The following PHLPP1 variants were observed in gnomAD, a reference collection of about 807,000 sequenced individuals.
PHLPP1 encodes PH domain leucine-rich repeat-containing protein phosphatase 1.
Under a neutral mutation model 117.2 loss-of-function variants are expected in PHLPP1, and 42 were observed. The ratio of observed to expected loss-of-function variants is 0.36; its 90% confidence interval spans 0.28 to 0.46. PHLPP1 has a LOEUF of 0.46. Ranked by LOEUF, PHLPP1 falls within the 20% of genes least tolerant of loss-of-function variation. PHLPP1 has a pLI of 1.00. For synonymous variants in PHLPP1, 1,042 were observed against 970.7 expected, an observed-to-expected ratio of 1.07 and a Z score of -1.37; for missense variants, 2,084 against 2,241.9, an observed-to-expected ratio of 0.93 and a Z score of 1.42.
intron 8 of PHLPP1, among the ~76,000 whole-genome samples, chr18:62,912,956 C>G (rs1168411839): frequency 6.6e-6 from 1 of 152,188 alleles, no homozygotes; most frequent in African/African-American, 2.4e-5. Flanking sequence ...TAGAGTTAAA[C>G]TACTTTTTAA....
At chr18:62,839,180 C>T (rs1167268881) in intron 3 of PHLPP1, 1 of 323,658 alleles carries the variant, frequency 3.1e-6, no homozygotes, top group Non-Finnish European at 5.7e-6. Context: ...AGATAAAAAA[C>T]ATGAGATTGG....
chr18:62,940,356 T>TTC (rs1910095388), intron 10 of PHLPP1, among the ~76,000 whole-genome samples: 1 of 51,790 alleles, frequency 1.9e-5, no homozygotes, highest in African/African-American at 8.1e-5. Flanking sequence ...TTTCTTTTCT[T>TTC]TTTTTTTTTT....
intron 1 of PHLPP1, among the ~76,000 whole-genome samples, chr18:62,804,720 TA>T (rs1045384894): frequency 2.6e-5 from 4 of 151,678 alleles, no homozygotes; most frequent in African/African-American, 9.7e-5. Flanking sequence ...CTCTTTTTTT[TA>T]AGAACACGGT....
In PHLPP1 at chr18:62,979,494, G is replaced by A. The variant is rs891264333; in HGVS notation, c.*63G>A. 7.3e-6 allele frequency: 11 copies of A among 1,506,722 alleles called. No individual in the cohort carries two copies. The Admixed American group carries it at 1.3e-4, about 17-fold the overall frequency. The allele number at this position is 1,506,722 out of a possible 1,614,324, so 93.3% of individuals were successfully genotyped here. ...AGACTGAGTTGCAAGAGTCTCCCAG[G>A]CTCACATTAAACCAGGGGTTTTACT... On this transcript the variant is annotated 3_prime_UTR_variant, in exon 17 of 17. Transcript: ENST00000262719.
intron 12 of PHLPP1, among the ~76,000 whole-genome samples, chr18:62,947,370 G>C (rs1910327542): frequency 6.6e-6 from 1 of 152,196 alleles, no homozygotes; most frequent in African/African-American, 2.4e-5. Context: ...ATGTGATGTT[G>C]ATTATATAGA....
At chr18:62,950,977 A>T (rs1330274022) in intron 12 of PHLPP1, among the ~76,000 whole-genome samples, 2 of 150,990 alleles carry the variant, frequency 1.3e-5, no homozygotes, top group Non-Finnish European at 3.0e-5. Context: ...GTTAACCCAG[A>T]CTAGTTTTTT....
At chr18:62,827,537 A>C (rs1319927490) in intron 1 of PHLPP1, among the ~76,000 whole-genome samples, 2 of 152,204 alleles carry the variant, frequency 1.3e-5, no homozygotes, top group Non-Finnish European at 2.9e-5. Context: ...CCCAGGGCCC[A>C]CTTAGTACAC....
chr18:62,738,547 T>C (rs1911433829), intron 1 of PHLPP1, among the ~76,000 whole-genome samples: 1 of 152,186 alleles, frequency 6.6e-6, no homozygotes. Context: ...GGGACTTGAG[T>C]GTCCATTGAT....
intron 4 of PHLPP1, chr18:62,889,641 T>G (rs1424154572): frequency 6.6e-6 from 1 of 152,232 alleles, no homozygotes; most frequent in Admixed American, 6.5e-5. Flanking sequence ...CTAGGGCACA[T>G]GGGTGCACAC....
intron 4 of PHLPP1, among the ~76,000 whole-genome samples, chr18:62,874,261 A>C (rs938609311): frequency 9.9e-5 from 15 of 151,744 alleles, no homozygotes; most frequent in African/African-American, 3.6e-4. Context: ...TAATCCCAGC[A>C]CTTTGGGAGG....
At chr18:62,933,797 A>C (rs1297756109) in intron 10 of PHLPP1, among the ~76,000 whole-genome samples, 1 of 152,220 alleles carries the variant, frequency 6.6e-6, no homozygotes, top group African/African-American at 2.4e-5. Flanking sequence ...AAGAAACAAC[A>C]GAATGAACAG....
At chr18:62,766,649 T>G (rs1490699416) in intron 1 of PHLPP1, among the ~76,000 whole-genome samples, 1 of 152,182 alleles carries the variant, frequency 6.6e-6, no homozygotes, top group Non-Finnish European at 1.5e-5. Flanking sequence ...AACCTACGCT[T>G]TATTAGTAAT....
intron 10 of PHLPP1, among the ~76,000 whole-genome samples, chr18:62,925,476 C>T (rs922070572): frequency 1.3e-5 from 2 of 151,890 alleles, no homozygotes; most frequent in Admixed American, 1.3e-4. Context: ...TTAAATATTC[C>T]CAGAGTATTA....
At chr18:62,767,585 C>T (rs1912590566) in intron 1 of PHLPP1, among the ~76,000 whole-genome samples, 1 of 152,196 alleles carries the variant, frequency 6.6e-6, no homozygotes, top group Non-Finnish European at 1.5e-5. Flanking sequence ...TTGCCTGTGG[C>T]ATAGGCGTGA....
chr18:62,716,659 G>A lies in PHLPP1; in HGVS notation c.976G>A (p.Gly326Ser), dbSNP rs1032430416. The change falls in exon 1 of 17, where the codon GGC (glycine) becomes AGC (serine). Residue 326 changes from glycine to serine, a missense_variant. Physicochemically the swap from Gly to Ser is moderately conservative, Grantham distance 56. This residue lies in a region of PHLPP1 where 719 missense variants were observed against 636.0 expected (regional missense o/e 1.13). Coordinates refer to ENST00000262719, the MANE Select transcript of PHLPP1 (RefSeq NM_194449.4). This position sits in a 1 kb window ranked among gnomAD's most constrained non-coding sequence, Gnocchi z 5.7. ...CCCAGCGCCCTCGGACTCCAGCCCC[G>A]GCGAGCCGTTCGTTGGGGGCCCTGT... ...ASPAPSDSSP[G>S]EPFVGGPVSS... 3 of 1,432,582 alleles carry A rather than the reference G, an allele frequency of 2.1e-6. No homozygotes were observed. Among genetic ancestry groups the A allele is most frequent in the African/African-American group, 1.5e-5 (1 of 67,134 alleles). The allele number at this position is 1,432,582 out of a possible 1,614,324, so 88.7% of individuals were successfully genotyped here. A position where few individuals can be genotyped will look rare whatever the true frequency, so the allele number is the denominator to read the frequency against.
intron 12 of PHLPP1, among the ~76,000 whole-genome samples, chr18:62,957,859 G>C (rs1910663019): frequency 6.6e-6 from 1 of 152,076 alleles, no homozygotes; most frequent in African/African-American, 2.4e-5. Context: ...GGGATTACAG[G>C]CATGTGCCTG....
At chr18:62,943,125 G>C (rs1005823821) in intron 11 of PHLPP1, among the ~76,000 whole-genome samples, 2 of 152,112 alleles carry the variant, frequency 1.3e-5, no homozygotes, top group Admixed American at 1.3e-4. Context: ...CTAATTCTGA[G>C]GATATACCCC....
At chr18:62,856,975 A>G (rs939668165) in intron 3 of PHLPP1, among the ~76,000 whole-genome samples, 37 of 151,854 alleles carry the variant, frequency 2.4e-4, no homozygotes, top group African/African-American at 8.9e-4. Flanking sequence ...TTAACATATA[A>G]TTTATTTATT....
chr18:62,905,119 C>A, intron 7 of PHLPP1, 105 bp from the exon 8 acceptor site: 1 of 570,962 alleles, frequency 1.8e-6, no homozygotes, highest in Non-Finnish European at 2.7e-6. Flanking sequence ...CTAAACTAAA[C>A]AAACAATAGA....
Sources: gnomAD v4.1 joint callset for allele counts (sites outside exome capture counted in the v4.1 genomes callset) on GRCh38, gnomAD v4.1.1 for gene constraint, gnomAD v4.1.1 regional missense constraint, Gnocchi (gnomAD v3.1) non-coding constraint, MANE v1.5 for transcripts, NCBI Gene and HGNC (gene_info 2026-07-23, HGNC 2026-07-21) for gene names.